Variants in SUMF1 observed in about 807,000 individuals in gnomAD.
The protein encoded by SUMF1 is sulfatase modifying factor 1, also known as formylglycine-generating enzyme.
In SUMF1, 48 loss-of-function variants were observed where a neutral mutation model predicts 47.6. That is an observed-to-expected ratio of 1.01 (90% CI 0.80 to 1.28). SUMF1 has a LOEUF of 1.28. Ranked by LOEUF, SUMF1 falls within the 50% of genes most tolerant of loss-of-function variation. SUMF1 has a pLI of 0.00. For missense variants in SUMF1, 571 were observed against 485.4 expected (o/e 1.18, Z -1.66); for synonymous variants, 230 against 192.1 (o/e 1.20, Z -1.63).
rs1337935840 is a variant in SUMF1 at position 4,353,351 on chromosome 3, C to G, written c.1014+22979G>C. On this transcript the variant is annotated intron_variant and NMD_transcript_variant, in intron 8 of 12. Coordinates refer to the SUMF1 transcript ENST00000448413. ...CACTGCAAACTCCGCCTCCCAGGTT[C>G]ACACCATTCTCCTGCCTCAGCCTCC... Among the ~76,000 whole-genome samples the G allele has an allele frequency of 3.3e-5, 5 of 152,292 alleles. No individual in the cohort carries two copies. In the East Asian group the frequency reaches 7.7e-4, roughly 24 times the overall value.
chr3:4,393,837 T>C (rs928544538), intron 7 of SUMF1, among the ~76,000 whole-genome samples: 4 of 152,046 alleles, frequency 2.6e-5, no homozygotes, highest in South Asian at 2.1e-4. Flanking sequence ...TGGGTGTGTG[T>C]TTTTTCTTTA....
intron 8 of SUMF1, among the ~76,000 whole-genome samples, chr3:4,304,996 T>C (rs1367167533): frequency 1.3e-5 from 2 of 151,978 alleles, no homozygotes. Flanking sequence ...AGACTATAGG[T>C]AGATTTTAAT....
chr3:4,134,306 T>A (rs950301878), intron 8 of SUMF1, among the ~76,000 whole-genome samples: 1 of 152,052 alleles, frequency 6.6e-6, no homozygotes, highest in Non-Finnish European at 1.5e-5. Flanking sequence ...AACTCAGGAT[T>A]AAGAAACTCA....
intron 8 of SUMF1, among the ~76,000 whole-genome samples, chr3:4,353,811 C>T (rs1165199438): frequency 6.6e-6 from 1 of 152,008 alleles, no homozygotes; most frequent in Non-Finnish European, 1.5e-5. Context: ...TTCTGTCTGC[C>T]ACATCCTGAA....
chr3:4,440,434 T>C (rs963767480), intron 3 of SUMF1, among the ~76,000 whole-genome samples: 1 of 152,194 alleles, frequency 6.6e-6, no homozygotes, highest in African/African-American at 2.4e-5. Context: ...AGAATTCCGC[T>C]GGACCTCAAG....
At chr3:4,292,590 A>G (rs1262999867) in intron 8 of SUMF1, among the ~76,000 whole-genome samples, 4 of 152,226 alleles carry the variant, frequency 2.6e-5, no homozygotes, top group Non-Finnish European at 4.4e-5. Context: ...CAAGTTAGCT[A>G]TACTTTGTAC....
intron 8 of SUMF1, among the ~76,000 whole-genome samples, chr3:4,187,743 A>G (rs996897604): frequency 6.6e-6 from 1 of 152,206 alleles, no homozygotes; most frequent in African/African-American, 2.4e-5. Context: ...TGTGTCAATA[A>G]TAATTGAAAC....
At chr3:4,456,711 T>A (rs2079625103) in intron 1 of SUMF1, among the ~76,000 whole-genome samples, 1 of 136,658 alleles carries the variant, frequency 7.3e-6, no homozygotes, top group African/African-American at 2.7e-5. Flanking sequence ...TATACGTATA[T>A]ATATACATAT....
chr3:4,299,592 T>A (rs1697922996), intron 8 of SUMF1, among the ~76,000 whole-genome samples: 1 of 152,222 alleles, frequency 6.6e-6, no homozygotes, highest in Non-Finnish European at 1.5e-5. Context: ...GTGGATCACT[T>A]GAGGTCAGGA....
At chr3:4,417,494 AAAG>A (rs1195498099) in intron 5 of SUMF1, among the ~76,000 whole-genome samples, 1 of 152,224 alleles carries the variant, frequency 6.6e-6, no homozygotes, top group East Asian at 1.9e-4. Flanking sequence ...CACAAAACTA[AAAG>A]AAGGACTTAT....
intron 8 of SUMF1, among the ~76,000 whole-genome samples, chr3:4,167,659 C>T (rs1443505870): frequency 6.6e-6 from 1 of 152,162 alleles, no homozygotes; most frequent in African/African-American, 2.4e-5. Context: ...CCACTCGACC[C>T]AGGAAGTCCG....
intron 8 of SUMF1, among the ~76,000 whole-genome samples, chr3:4,315,673 A>G (rs902488534): frequency 6.6e-6 from 1 of 152,176 alleles, no homozygotes; most frequent in Non-Finnish European, 1.5e-5. Context: ...TTCTTTTGAG[A>G]GAAAACATTT....
intron 8 of SUMF1, among the ~76,000 whole-genome samples, chr3:4,264,763 T>C (rs996620039): frequency 1.3e-5 from 2 of 152,084 alleles, no homozygotes; most frequent in Non-Finnish European, 2.9e-5. Flanking sequence ...AAAAGTGACA[T>C]TTAACTACCT....
intron 8 of SUMF1, among the ~76,000 whole-genome samples, chr3:4,101,968 C>T (rs774081603): frequency 5.3e-5 from 8 of 152,002 alleles, no homozygotes; most frequent in Admixed American, 1.3e-4. Context: ...GGCAGAAGAG[C>T]GAATGAATGA....
intron 8 of SUMF1, among the ~76,000 whole-genome samples, chr3:4,100,399 AATTAATTTTC>A (rs1693006064): frequency 6.6e-6 from 1 of 152,108 alleles, no homozygotes; most frequent in Non-Finnish European, 1.5e-5. Flanking sequence ...GTCTACAGTC[AATTAATTTTC>A]AACAAAGGTG....
chr3:4,256,019 G>C (rs1696946180), intron 8 of SUMF1, among the ~76,000 whole-genome samples: 1 of 149,884 alleles, frequency 6.7e-6, no homozygotes, highest in South Asian at 2.1e-4. Context: ...ATGACTACTG[G>C]GTACATAATA....
chr3:4,314,785 G>A lies in SUMF1; in HGVS notation c.1014+61545C>T, dbSNP rs566190387. Among the ~76,000 whole-genome samples the A allele has an allele frequency of 2.0e-5, 3 of 152,292 alleles. No homozygotes were observed. In the South Asian group the frequency reaches 6.2e-4, roughly 32 times the overall value. On this transcript the variant is annotated intron_variant and NMD_transcript_variant, in intron 8 of 12. Coordinates refer to the SUMF1 transcript ENST00000448413. ...GGGATGTTGCAAAAATACAGTTACT[G>A]TGGAGGTTTATCAGACATTTTGAAA...
At chr3:4,116,313 T>C (rs1451816294) in intron 8 of SUMF1, among the ~76,000 whole-genome samples, 1 of 152,132 alleles carries the variant, frequency 6.6e-6, no homozygotes, top group Non-Finnish European at 1.5e-5. Context: ...GAAACGCAAG[T>C]AAGAACAATG....
intron 8 of SUMF1, among the ~76,000 whole-genome samples, chr3:4,285,741 T>C (rs1697620180): frequency 6.6e-6 from 1 of 152,086 alleles, no homozygotes; most frequent in South Asian, 2.1e-4. Context: ...ATCAGTACTG[T>C]ATGAGGGATG....
Sources: gnomAD v4.1 joint callset for allele counts (sites outside exome capture counted in the v4.1 genomes callset) on GRCh38, gnomAD v4.1.1 for gene constraint, MANE v1.5 for transcripts, NCBI Gene and HGNC (gene_info 2026-07-23, HGNC 2026-07-21) for gene names.